Variants in ERC2 observed in about 807,000 individuals in gnomAD.
ERC2 encodes the protein ERC protein 2.
Under a neutral mutation model 114.8 loss-of-function variants are expected in ERC2, and 42 were observed. The ratio of observed to expected loss-of-function variants is 0.37; its 90% CI spans 0.29 to 0.47. ERC2 has a LOEUF of 0.47. ERC2 is among the 20% of genes least tolerant of loss of function. The probability of loss-of-function intolerance (pLI) is 0.99; values close to 1 mark genes in which losing one functional copy is unlikely to be tolerated. For synonymous variants in ERC2, 454 were observed against 425.5 expected, an observed-to-expected ratio of 1.07 and a Z score of -0.82; for missense variants, 939 against 1,150.7, an observed-to-expected ratio of 0.82 and a Z score of 2.66.
At chr3:55,619,410 G>C (rs1245490518) in intron 17 of ERC2, among the ~76,000 whole-genome samples, 2 of 152,142 alleles carry the variant, frequency 1.3e-5, no homozygotes, top group African/African-American at 4.8e-5. Context: ...GTGTGCATCA[G>C]GGTTTATGCA....
At chr3:55,626,415 C>T (rs1366794664) in intron 17 of ERC2, among the ~76,000 whole-genome samples, 3 of 152,164 alleles carry the variant, frequency 2.0e-5, no homozygotes, top group Admixed American at 6.5e-5. Flanking sequence ...TCCCTAAGTC[C>T]GCTAAAGCAT....
chr3:55,775,435 G>T (rs1575564930), intron 14 of ERC2, among the ~76,000 whole-genome samples: 1 of 151,920 alleles, frequency 6.6e-6, no homozygotes, highest in South Asian at 2.1e-4. Flanking sequence ...GGAGGATGAG[G>T]TGGGAAGATC....
intron 3 of ERC2, among the ~76,000 whole-genome samples, chr3:56,267,944 T>C (rs1182419876): frequency 1.3e-5 from 2 of 152,192 alleles, no homozygotes; most frequent in African/African-American, 4.8e-5. Context: ...TATTGCATAA[T>C]GGAAATTTGC....
At chr3:56,213,847 A>C (rs944988451) in intron 3 of ERC2, among the ~76,000 whole-genome samples, 10 of 152,288 alleles carry the variant, frequency 6.6e-5, no homozygotes, top group Admixed American at 5.9e-4. Context: ...TCTGCTGTTC[A>C]GTATTCACTG....
chr3:56,376,486 C>A (rs1193352543), intron 2 of ERC2, among the ~76,000 whole-genome samples: 1 of 151,300 alleles, frequency 6.6e-6, no homozygotes, highest in African/African-American at 2.4e-5. Flanking sequence ...GTGAGTTGGC[C>A]GGGCACAGTG....
At chr3:56,217,477 C>T (rs1314444765) in intron 3 of ERC2, among the ~76,000 whole-genome samples, 176 of 151,922 alleles carry the variant, frequency 1.2e-3, no homozygotes, top group African/African-American at 4.0e-3. Flanking sequence ...CACTGCTCGA[C>T]AAAATAAAAG....
At chr3:55,617,471 TG>T (rs2059168243) in intron 17 of ERC2, among the ~76,000 whole-genome samples, 1 of 152,212 alleles carries the variant, frequency 6.6e-6, no homozygotes, top group African/African-American at 2.4e-5. Flanking sequence ...CTTACCAAGT[TG>T]GGCTGAGGTC....
rs138634325 is a variant in ERC2, at chr3:56,178,270, C to G, written c.1075-4750G>C. ...TAACAACAAGTAAAAACTTAACTTT[C>G]ATTCCAAAGGTAATTATTACATTTA... On this transcript the variant is annotated intron_variant, in intron 3 of 17. Coordinates refer to ENST00000288221, the MANE Select transcript of ERC2 (RefSeq NM_015576.3). Among the ~76,000 whole-genome samples, 13 of 152,260 alleles carry G rather than the reference C, an allele frequency of 8.5e-5. No individual in the cohort carries two copies. In the East Asian group the frequency reaches 2.5e-3, roughly 29 times the overall value.
At chr3:55,988,099 C>A (rs2070772458) in intron 11 of ERC2, among the ~76,000 whole-genome samples, 1 of 152,164 alleles carries the variant, frequency 6.6e-6, no homozygotes, top group South Asian at 2.1e-4. Flanking sequence ...CCTAAGTCAC[C>A]AAAGGATTAA....
chr3:56,240,969 CTCCTT>C (rs374428846), intron 3 of ERC2, among the ~76,000 whole-genome samples: 25 of 152,302 alleles, frequency 1.6e-4, no homozygotes, highest in Admixed American at 7.2e-4. Context: ...AGTCCTCACT[CTCCTT>C]TCCTCTCCCC....
At chr3:56,010,791 T>C (rs2072860487) in intron 8 of ERC2, among the ~76,000 whole-genome samples, 2 of 152,142 alleles carry the variant, frequency 1.3e-5, no homozygotes, top group South Asian at 4.1e-4. Flanking sequence ...TTTTGACTTG[T>C]TAATAAAAGT....
At chr3:56,290,863 G>C (rs900655808) in intron 3 of ERC2, among the ~76,000 whole-genome samples, 1 of 152,176 alleles carries the variant, frequency 6.6e-6, no homozygotes, top group Non-Finnish European at 1.5e-5. Flanking sequence ...GGGAGGCCCA[G>C]GTCTCCTGGG....
chr3:55,663,763 A>G (rs1427795308), intron 17 of ERC2, among the ~76,000 whole-genome samples: 1 of 152,374 alleles, frequency 6.6e-6, no homozygotes, highest in East Asian at 1.9e-4. Context: ...TGGATTTACC[A>G]ATATTAACTA....
At chr3:56,095,505 G>C (rs2078015239) in intron 6 of ERC2, among the ~76,000 whole-genome samples, 1 of 152,182 alleles carries the variant, frequency 6.6e-6, no homozygotes, top group Non-Finnish European at 1.5e-5. Flanking sequence ...TGGGAAAAAA[G>C]AAAGAACATT....
At chr3:56,252,244 T>A (rs1193777247) in intron 3 of ERC2, among the ~76,000 whole-genome samples, 1 of 152,226 alleles carries the variant, frequency 6.6e-6, no homozygotes, top group African/African-American at 2.4e-5. Flanking sequence ...GGTTATTTTT[T>A]AATCTGGCTG....
chr3:56,427,185 C>T (rs563414435), intron 2 of ERC2, among the ~76,000 whole-genome samples: 1 of 151,066 alleles, frequency 6.6e-6, no homozygotes, highest in Admixed American at 6.6e-5. Flanking sequence ...AAGAAAGTTT[C>T]ACAGTGGAGT....
chr3:56,288,390 C>G (rs1560527246), intron 3 of ERC2, among the ~76,000 whole-genome samples: 1 of 152,172 alleles, frequency 6.6e-6, no homozygotes, highest in Non-Finnish European at 1.5e-5. Context: ...GACATTCTCA[C>G]TCCTCCCTGG....
chr3:56,202,024 A>G (rs1033240947), intron 3 of ERC2, among the ~76,000 whole-genome samples: 1 of 152,220 alleles, frequency 6.6e-6, no homozygotes, highest in Non-Finnish European at 1.5e-5. Context: ...GAATCAAAAT[A>G]GTCATCAGTC....
intron 14 of ERC2, among the ~76,000 whole-genome samples, chr3:55,800,484 CCTTCTGCCCAA>C (rs1394117612): frequency 6.6e-5 from 10 of 152,114 alleles, no homozygotes; most frequent in Middle Eastern, 3.4e-3. Flanking sequence ...TTTTTTCTCC[CCTTCTGCCCAA>C]CTTCTACCAT....
Sources: allele counts gnomAD v4.1 joint callset (sites outside exome capture counted in the v4.1 genomes callset), GRCh38; gene constraint gnomAD v4.1.1; transcripts MANE v1.5; gene names NCBI Gene and HGNC (gene_info 2026-07-23, HGNC 2026-07-21).